Variants in KCNMA1 observed in about 807,000 individuals in gnomAD.
KCNMA1 encodes the protein potassium calcium-activated channel subfamily M alpha 1.
KCNMA1 carries 29 observed loss-of-function variants against 140.0 expected under a neutral mutation model. The observed-to-expected ratio is 0.21, with a 90% CI of 0.15 to 0.28. The LOEUF (loss-of-function observed/expected upper bound fraction) is 0.28, where lower values mean the gene tolerates loss of function less well. Ranked by LOEUF, KCNMA1 falls within the 10% of genes least tolerant of loss-of-function variation. The pLI is 1.00. For synonymous variants in KCNMA1, 612 were observed against 611.9 expected (o/e 1.00, Z 0.00); for missense variants, 880 against 1,602.2 (o/e 0.55, Z 7.70).
intron 25 of KCNMA1, among the ~76,000 whole-genome samples, chr10:76,896,716 G>T (rs1311504844): frequency 6.6e-6 from 1 of 152,112 alleles, no homozygotes; most frequent in African/African-American, 2.4e-5. Flanking sequence ...ATAATGAGTA[G>T]ATCAGTGGTG....
intron 14 of KCNMA1, among the ~76,000 whole-genome samples, chr10:77,070,589 T>G (rs1051098051): frequency 6.6e-6 from 1 of 152,150 alleles, no homozygotes; most frequent in African/African-American, 2.4e-5. Flanking sequence ...GAAATATTGA[T>G]GAATTCTCCG....
At chr10:77,281,391 T>C (rs1208630867) in intron 2 of KCNMA1, among the ~76,000 whole-genome samples, 5 of 152,226 alleles carry the variant, frequency 3.3e-5, no homozygotes, top group Non-Finnish European at 7.3e-5. Flanking sequence ...TTGTACCTTC[T>C]TCAGCTGGGC....
chr10:77,013,029 C>T (rs754183901), intron 17 of KCNMA1, among the ~76,000 whole-genome samples: 2 of 152,188 alleles, frequency 1.3e-5, no homozygotes, highest in African/African-American at 2.4e-5. Context: ...AACAAAATCC[C>T]TGGCTTGTTG....
intron 14 of KCNMA1, among the ~76,000 whole-genome samples, chr10:77,061,951 C>T (rs565705863): frequency 2.0e-5 from 3 of 152,174 alleles, no homozygotes; most frequent in Admixed American, 6.5e-5. Context: ...CTTGAAAAGA[C>T]AAAACTGTAA....
intron 1 of KCNMA1, among the ~76,000 whole-genome samples, chr10:77,507,088 A>G (rs1419425377): frequency 1.3e-5 from 2 of 152,156 alleles, no homozygotes. Flanking sequence ...CTGTTTCCCA[A>G]ATGGGCAGGG....
At chr10:77,252,503 A>G (rs2059834170) in intron 2 of KCNMA1, among the ~76,000 whole-genome samples, 1 of 149,760 alleles carries the variant, frequency 6.7e-6, no homozygotes, top group Non-Finnish European at 1.5e-5. Flanking sequence ...CAATTTATGT[A>G]AAGACTAAGC....
At chr10:77,262,260 G>T (rs185191009) in intron 2 of KCNMA1, among the ~76,000 whole-genome samples, 7 of 152,160 alleles carry the variant, frequency 4.6e-5, no homozygotes, top group African/African-American at 1.4e-4. Flanking sequence ...TCCATACTAC[G>T]ACGTGAATGA....
chr10:77,497,706 G>T (rs1489771763), intron 1 of KCNMA1, among the ~76,000 whole-genome samples: 2 of 152,182 alleles, frequency 1.3e-5, no homozygotes, highest in Non-Finnish European at 2.9e-5. Flanking sequence ...AGGTTGTAAT[G>T]GTCTTCTCCA....
intron 2 of KCNMA1, among the ~76,000 whole-genome samples, chr10:77,363,384 GGGACCAAAGCCAGGAACAGCCAA>G (rs2094132243): frequency 6.6e-6 from 1 of 152,176 alleles, no homozygotes; most frequent in South Asian, 2.1e-4. Context: ...GCACACAGCA[GGGACCAAAGCCAGGAACAGCCAA>G]GGACACTCAA....
At chr10:77,047,272 G>A (rs183927457) in intron 14 of KCNMA1, among the ~76,000 whole-genome samples, 33 of 152,310 alleles carry the variant, frequency 2.2e-4, no homozygotes, top group East Asian at 2.1e-3. Context: ...ATGGACTTGA[G>A]CCAAATCTCT....
Position 76,886,621 on chromosome 10 carries a change from C to A in KCNMA1, c.*645G>T. 1.0e-6 allele frequency: 1 copy of A among 989,404 alleles called. No homozygotes were observed. Among genetic ancestry groups the A allele is most frequent in the African/African-American group, 1.7e-5 (1 of 57,332 alleles). 61.3% of individuals were successfully genotyped at this position (989,404 alleles called of 1,614,324 possible). A position where few individuals can be genotyped will look rare whatever the true frequency, so the allele number is the denominator to read the frequency against. Reference sequence around the variant, plus strand: ...CTCCCAGAGGGAACTGGCTCTGGGACAAAAGGCCTTGGTGAGTAACTAAAA... The same window carrying A: ...CTCCCAGAGGGAACTGGCTCTGGGAAAAAAGGCCTTGGTGAGTAACTAAAA... On this transcript the variant is annotated 3_prime_UTR_variant, in exon 28 of 28. Transcript: ENST00000286628.
At chr10:77,267,383 C>T (rs1257638597) in intron 2 of KCNMA1, among the ~76,000 whole-genome samples, 1 of 152,170 alleles carries the variant, frequency 6.6e-6, no homozygotes, top group Non-Finnish European at 1.5e-5. Flanking sequence ...GTATAAGAGG[C>T]AGAGCTTAGT....
intron 1 of KCNMA1, among the ~76,000 whole-genome samples, chr10:77,603,641 G>A (rs1315773121): frequency 1.3e-5 from 2 of 152,060 alleles, no homozygotes; most frequent in East Asian, 3.9e-4. Context: ...TAAGTCAGGC[G>A]AGTTCACACC....
chr10:77,624,162 G>A (rs1314180571), intron 1 of KCNMA1, among the ~76,000 whole-genome samples: 5 of 152,192 alleles, frequency 3.3e-5, no homozygotes, highest in South Asian at 2.1e-4. Flanking sequence ...CCAAGGCTGC[G>A]TTTTGGGGCA....
At chr10:77,000,900 A>ATATATATATATC (rs1412998914) in intron 19 of KCNMA1, among the ~76,000 whole-genome samples, 8 of 128,782 alleles carry the variant, frequency 6.2e-5, no homozygotes, top group African/African-American at 2.0e-4. Flanking sequence ...ATATATATAT[A>ATATATATATATC]TCCATCTGCA....
chr10:77,595,346 CAAAAAAAAAAA>C (rs138290466), intron 1 of KCNMA1, among the ~76,000 whole-genome samples: 1 of 58,214 alleles, frequency 1.7e-5, no homozygotes, highest in Non-Finnish European at 3.0e-5. Context: ...GACTCTGTCT[CAAAAAAAAAAA>C]AAAAAAAAAA....
Position 77,636,094 on chromosome 10 carries a change from C to G in KCNMA1, c.378+1171G>C, listed in dbSNP as rs2093694254. 1.2e-5 allele frequency: 8 copies of G among 657,530 alleles called. No individual in the cohort carries two copies. In the South Asian group the frequency reaches 2.2e-4, roughly 18 times the overall value. The allele number at this position is 657,530 out of a possible 1,614,324, so 40.7% of individuals were successfully genotyped here. A position where few individuals can be genotyped will look rare whatever the true frequency, so the allele number is the denominator to read the frequency against. On this transcript the variant is annotated intron_variant, in intron 1 of 27. Coordinates refer to ENST00000286628, the MANE Select transcript of KCNMA1 (RefSeq NM_001161352.2). The stretch of plus-strand genomic sequence containing the variant: ...AACATGTGGAGGCTGCAATGTGTAT[C>G]TACCCTGCACTATTCCCCTGGATTT...
intron 3 of KCNMA1, among the ~76,000 whole-genome samples, chr10:77,222,168 G>C (rs1468371784): frequency 6.6e-6 from 1 of 152,134 alleles, no homozygotes; most frequent in East Asian, 1.9e-4. Context: ...TCCCATCTTT[G>C]GGAACTGCAT....
At chr10:77,021,316 C>T (rs1288897418) in intron 16 of KCNMA1, among the ~76,000 whole-genome samples, 1 of 152,146 alleles carries the variant, frequency 6.6e-6, no homozygotes, top group Non-Finnish European at 1.5e-5. Context: ...GGTGAATAAT[C>T]GCTAGCTTAC....
Sources: allele counts gnomAD v4.1 joint callset (sites outside exome capture counted in the v4.1 genomes callset), GRCh38; gene constraint gnomAD v4.1.1; transcripts MANE v1.5; gene names NCBI Gene and HGNC (gene_info 2026-07-23, HGNC 2026-07-21).